The following ADGRL3 variants were observed in gnomAD, a reference collection of about 807,000 sequenced individuals.
The protein encoded by ADGRL3 is adhesion G protein-coupled receptor L3.
In ADGRL3, 62 loss-of-function variants were observed where a neutral mutation model predicts 153.5. The observed-to-expected ratio is 0.40, with a 90% confidence interval of 0.33 to 0.50. The LOEUF is 0.50. ADGRL3 is among the 20% of genes least tolerant of loss of function. ADGRL3 has a pLI of 0.47. For synonymous variants in ADGRL3, 710 were observed against 672.5 expected (o/e 1.06, Z -0.86); for missense variants, 1,641 against 1,859.4 (o/e 0.88, Z 2.16).
intron 21 of ADGRL3, among the ~76,000 whole-genome samples, chr4:62,018,455 A>C (rs1361888442): frequency 6.6e-6 from 1 of 152,128 alleles, no homozygotes; most frequent in Non-Finnish European, 1.5e-5. Flanking sequence ...GAAAAGACCA[A>C]GAGATTTTCA....
chr4:62,048,623 C>A (rs1732454839), intron 25 of ADGRL3, among the ~76,000 whole-genome samples: 1 of 152,072 alleles, frequency 6.6e-6, no homozygotes. Context: ...ATAGCATGAT[C>A]ATAGCTCAGT....
intron 1 of ADGRL3, among the ~76,000 whole-genome samples, chr4:61,359,907 G>A (rs551928586): frequency 4.1e-4 from 63 of 152,050 alleles, no homozygotes; most frequent in Non-Finnish European, 7.4e-4. Flanking sequence ...CAGCTCATAG[G>A]AAGCAATATT....
chr4:61,468,256 T>C (rs987197451), intron 2 of ADGRL3, among the ~76,000 whole-genome samples: 9 of 152,188 alleles, frequency 5.9e-5, no homozygotes, highest in Admixed American at 5.9e-4. Flanking sequence ...GCGGCAACTT[T>C]TTGTAAAACC....
At chr4:61,803,190 G>A (rs2097520262) in intron 8 of ADGRL3, among the ~76,000 whole-genome samples, 1 of 151,956 alleles carries the variant, frequency 6.6e-6, no homozygotes, top group Non-Finnish European at 1.5e-5. Flanking sequence ...AATTGATTGA[G>A]CTTGATTTTT....
At chr4:61,648,725 C>G (rs1381507526) in intron 5 of ADGRL3, among the ~76,000 whole-genome samples, 1 of 151,956 alleles carries the variant, frequency 6.6e-6, no homozygotes, top group East Asian at 1.9e-4. Context: ...AGAGAACTGG[C>G]ATTCTTTTAG....
At chr4:61,420,935 A>G (rs2097198893) in intron 2 of ADGRL3, among the ~76,000 whole-genome samples, 1 of 152,142 alleles carries the variant, frequency 6.6e-6, no homozygotes, top group Non-Finnish European at 1.5e-5. Context: ...GTATTAGTGG[A>G]AGGCCTATAT....
At chr4:62,027,824 C>G (rs1239805821) in intron 21 of ADGRL3, among the ~76,000 whole-genome samples, 1 of 151,888 alleles carries the variant, frequency 6.6e-6, no homozygotes, top group East Asian at 1.9e-4. Flanking sequence ...TTATCACCAT[C>G]TTATATATGT....
At position 62,071,229 on chromosome 4, in the gene ADGRL3, AC is replaced by A. The variant is rs1385392811; in HGVS notation, c.*322del. 4.4e-6 allele frequency: 1 copy of A among 225,566 alleles called. No individual in the cohort carries two copies. Among genetic ancestry groups the A allele is most frequent in the African/African-American group, 2.3e-5 (1 of 43,748 alleles). The allele number at this position is 225,566 out of a possible 1,614,324, so 14.0% of individuals were successfully genotyped here. On this transcript the variant is annotated 3_prime_UTR_variant, in exon 27 of 27. Transcript: ENST00000683033. The stretch of plus-strand genomic sequence containing the variant: ...GTTGAATTATGTTGTGTATGTTTTA[AC>A]ATCTCTGATGCTGTGTTACTAAAAT...
At chr4:61,458,947 A>G (rs917195405) in intron 2 of ADGRL3, among the ~76,000 whole-genome samples, 1 of 151,514 alleles carries the variant, frequency 6.6e-6, no homozygotes, top group African/African-American at 2.4e-5. Context: ...AATATAATCA[A>G]TGAATGCTTA....
At chr4:61,322,153 GAAACT>G (rs946523615) in intron 1 of ADGRL3, among the ~76,000 whole-genome samples, 20 of 152,276 alleles carry the variant, frequency 1.3e-4, no homozygotes, top group Non-Finnish European at 2.1e-4. Flanking sequence ...CTTGTGCAGA[GAAACT>G]CCATTTTTAA....
chr4:61,680,696 A>C (rs866852699), intron 6 of ADGRL3, among the ~76,000 whole-genome samples: 1 of 152,168 alleles, frequency 6.6e-6, no homozygotes, highest in South Asian at 2.1e-4. Context: ...TCTTAGCTTG[A>C]ATGAGTCAAA....
intron 2 of ADGRL3, among the ~76,000 whole-genome samples, chr4:61,469,153 TTAC>T (rs1189912306): frequency 1.3e-5 from 2 of 152,074 alleles, no homozygotes; most frequent in African/African-American, 4.8e-5. Flanking sequence ...AAGGGCAGTA[TTAC>T]CTTCTAGTTT....
rs2098502903 is a variant in ADGRL3, at chr4:61,517,352, T to G, written c.93T>G (p.Ala31=). Residue 31 remains alanine (A), a synonymous_variant, in exon 4 of 27, where the codon GCT becomes GCG. Coordinates refer to ENST00000683033, the MANE Select transcript of ADGRL3 (RefSeq NM_001387552.1). ...KHSERHPALA[A]PLRHAERSPG... is the part of the protein sequence containing the mutation. ...GTGAACGACATCCTGCCCTTGCTGC[T>G]CCATTGCGACACGCTGAGCGCAGCC... 2.8e-6 allele frequency: 2 copies of G among 704,526 alleles called. No individual in the cohort carries two copies. The highest frequency in any genetic ancestry group is 3.5e-5 in the African/African-American group (2 of 57,270). The allele number at this position is 704,526 out of a possible 1,614,324, so 43.6% of individuals were successfully genotyped here. A position where few individuals can be genotyped will look rare whatever the true frequency, so the allele number is the denominator to read the frequency against.
intron 4 of ADGRL3, among the ~76,000 whole-genome samples, chr4:61,585,420 TAC>T: frequency 6.6e-6 from 1 of 151,996 alleles, no homozygotes; most frequent in East Asian, 1.9e-4. Flanking sequence ...TATTTATAGT[TAC>T]ATGTTTTCTC....
At chr4:61,905,956 A>G (rs1040748099) in intron 11 of ADGRL3, among the ~76,000 whole-genome samples, 3 of 151,822 alleles carry the variant, frequency 2.0e-5, no homozygotes, top group African/African-American at 7.3e-5. Context: ...ATTGTTTAAC[A>G]TATTTTTCAT....
rs927643228 is a variant in ADGRL3, at chr4:61,501,772, T to C, written c.55+4424T>C. On this transcript the variant is annotated intron_variant, in intron 3 of 26. Transcript: ENST00000683033. ...TTAGTTGAATAATCCCCACTTGCTC[T>C]AAATAGTCTGGTCCATGTTTTGTAT... Among the ~76,000 whole-genome samples the C allele has an allele frequency of 4.6e-5, 7 of 152,316 alleles. No homozygotes were observed. The South Asian group carries it at 8.3e-4, about 18-fold the overall frequency.
At chr4:62,011,700 TTTTG>T (rs879517710) in intron 21 of ADGRL3, among the ~76,000 whole-genome samples, 31 of 152,282 alleles carry the variant, frequency 2.0e-4, no homozygotes, top group Admixed American at 2.0e-3. Flanking sequence ...GCATGTCTTT[TTTTG>T]TTTGTTTGAA....
chr4:61,358,746 T>C (rs2096235613), intron 1 of ADGRL3, among the ~76,000 whole-genome samples: 1 of 152,156 alleles, frequency 6.6e-6, no homozygotes, highest in African/African-American at 2.4e-5. Context: ...CTCTCTAATC[T>C]ACAAGTTTTG....
chr4:62,005,967 TACACAC>T (rs59783179), intron 21 of ADGRL3, among the ~76,000 whole-genome samples: 931 of 67,640 alleles, frequency 0.014, 15 homozygotes, highest in African/African-American at 0.016. Flanking sequence ...TATATACACA[TACACAC>T]ACACACACAC....
Sources: allele counts gnomAD v4.1 joint callset (sites outside exome capture counted in the v4.1 genomes callset), GRCh38; gene constraint gnomAD v4.1.1; transcripts MANE v1.5; gene names NCBI Gene and HGNC (gene_info 2026-07-23, HGNC 2026-07-21).